SPAG6: variants seen among roughly 807,000 people sequenced by gnomAD.
SPAG6 encodes the protein sperm-associated antigen 6.
A neutral mutation model predicts 58.5 loss-of-function variants in SPAG6; 49 were observed. That is an observed-to-expected ratio of 0.84 (90% CI 0.67 to 1.06). The LOEUF is 1.06. SPAG6 is among the 50% of genes least tolerant of loss of function. SPAG6 has a pLI of 0.00. For synonymous variants in SPAG6, 233 were observed against 225.6 expected, an observed-to-expected ratio of 1.03 and a Z score of -0.29; for missense variants, 560 against 611.3, an observed-to-expected ratio of 0.92 and a Z score of 0.89.
intron 2 of SPAG6, among the ~76,000 whole-genome samples, chr10:22,357,434 T>G (rs1354226856): frequency 6.6e-6 from 1 of 152,118 alleles, no homozygotes; most frequent in Non-Finnish European, 1.5e-5. Flanking sequence ...AATTCAAAAA[T>G]GTATGGCAAA....
Position 22,369,144 on chromosome 10 carries a change from C to T in SPAG6, c.472+466C>T, listed in dbSNP as rs991680109. ...TCCAAACCAACCAGGAGACATAGCA[C>T]GAGTGAGTGATGTTGAGGAGATATG... On this transcript the variant is annotated intron_variant, in intron 4 of 10. Transcript: ENST00000376624. 3.9e-5 allele frequency among the ~76,000 whole-genome samples: 6 copies of T among 151,994 alleles called. No homozygotes were observed. In the East Asian group the frequency reaches 5.8e-4, roughly 15 times the overall value.
chr10:22,372,604 G>C (rs1428346819), intron 4 of SPAG6, among the ~76,000 whole-genome samples: 2 of 152,210 alleles, frequency 1.3e-5, no homozygotes, highest in Admixed American at 1.3e-4. Flanking sequence ...TGCTTCCAAT[G>C]AATGGCCGTC....
intron 8 of SPAG6, among the ~76,000 whole-genome samples, chr10:22,393,061 C>G (rs1376813147): frequency 5.9e-5 from 9 of 152,028 alleles, no homozygotes; most frequent in Admixed American, 5.9e-4. Flanking sequence ...AATGTAAGGT[C>G]TTTTCTAGTT....
At chr10:22,412,602 CACT>C in intron 10 of SPAG6, 1 of 715,048 alleles carries the variant, frequency 1.4e-6, no homozygotes, top group African/African-American at 1.8e-5. Flanking sequence ...CTACATATAA[CACT>C]CTGTCTCCAG....
intron 2 of SPAG6, chr10:22,360,837 A>G (rs1445329286): frequency 8.5e-6 from 13 of 1,533,040 alleles, no homozygotes; most frequent in Non-Finnish European, 1.0e-5. Context: ...TTCACTCACC[A>G]TGGATCTCTG....
rs758235166 is a variant in SPAG6, at chr10:22,401,292, C to A, written c.1314+15C>A. 5 of 1,186,684 alleles carry A rather than the reference C, an allele frequency of 4.2e-6. No homozygotes were observed. In the East Asian group the frequency reaches 9.3e-5, roughly 22 times the overall value. 73.5% of individuals were successfully genotyped at this position (1,186,684 alleles called of 1,614,324 possible). ...AGTTCAGTAAGGTAAGAAATGCCAG[C>A]CTCTAAGGGGAGGAAGAAAATTAAA... is the stretch of plus-strand genomic sequence containing the variant. On this transcript the variant is annotated intron_variant, in intron 9 of 10. Transcript: ENST00000376624.
Position 22,368,502 on chromosome 10 carries a change from A to G in SPAG6, c.296A>G (p.Tyr99Cys). The change falls in exon 4 of 11, where the codon TAC becomes TGC. Residue 99 changes from tyrosine (Y) to cysteine (C), a missense_variant. Coordinates refer to ENST00000376624, the MANE Select transcript of SPAG6 (RefSeq NM_012443.4). The part of the protein sequence containing the change: ...VYSLAEQNRF[Y>C]KKAAAFVLRA... The stretch of plus-strand genomic sequence containing the variant: ...TCTGTTTGACCCTTGTAGCGCTTCT[A>G]CAAGAAAGCAGCTGCCTTTGTGTTA... 6.2e-7 allele frequency: 1 copy of G among 1,613,538 alleles called. No individual in the cohort carries two copies. Among genetic ancestry groups the G allele is most frequent in the Non-Finnish European group, 8.5e-7 (1 of 1,179,720 alleles).
intron 4 of SPAG6, among the ~76,000 whole-genome samples, chr10:22,386,115 A>T (rs750951892): frequency 2.6e-5 from 4 of 152,222 alleles, no homozygotes; most frequent in Non-Finnish European, 4.4e-5. Context: ...CAAGAGTAAG[A>T]TAAATTTATT....
Position 22,382,616 on chromosome 10 carries a change from A to G in SPAG6, c.473-4138A>G, listed in dbSNP as rs189885068. Among the ~76,000 whole-genome samples the G allele has an allele frequency of 9.5e-4, 145 of 152,320 alleles. 2 individuals carry two copies. The highest frequency in any genetic ancestry group is 7.6e-3 in the Admixed American group (116 of 15,298). On this transcript the variant is annotated intron_variant, in intron 4 of 10. Coordinates refer to ENST00000376624, the MANE Select transcript of SPAG6 (RefSeq NM_012443.4). The stretch of plus-strand genomic sequence containing the variant: ...TTATTTTAAAAATAGTGATAGAGGC[A>G]GGATGAAGTAGCCTGTTGGATGTGT...
intron 9 of SPAG6, among the ~76,000 whole-genome samples, chr10:22,408,955 T>C (rs552932562): frequency 3.3e-5 from 5 of 151,582 alleles, no homozygotes; most frequent in East Asian, 1.9e-4. Context: ...CCTGACCCCT[T>C]GCGCTTCCCG....
intron 4 of SPAG6, among the ~76,000 whole-genome samples, chr10:22,378,145 C>A (rs918862469): frequency 6.7e-6 from 1 of 148,978 alleles, no homozygotes; most frequent in Non-Finnish European, 1.5e-5. Context: ...CTCTCTGCAA[C>A]CTCCGCCTCC....
chr10:22,354,459 G>A (rs1836812231), intron 2 of SPAG6, among the ~76,000 whole-genome samples: 1 of 152,208 alleles, frequency 6.6e-6, no homozygotes, highest in Non-Finnish European at 1.5e-5. Context: ...CCATGCGTCA[G>A]TGACTGTGGT....
chr10:22,352,799 G>A (rs561029661), intron 2 of SPAG6, among the ~76,000 whole-genome samples: 3 of 152,150 alleles, frequency 2.0e-5, no homozygotes, highest in South Asian at 2.1e-4. Context: ...ATGAGCCACC[G>A]CACCCAGCAA....
intron 3 of SPAG6, among the ~76,000 whole-genome samples, chr10:22,365,961 C>T (rs558060116): frequency 8.5e-5 from 13 of 152,160 alleles, no homozygotes; most frequent in African/African-American, 3.1e-4. Context: ...TCATACATTG[C>T]TGGTAGGAAT....
rs762864749 is a variant in SPAG6 at position 22,417,182 on chromosome 10, T to G, written c.*494T>G. 6.6e-6 allele frequency: 1 copy of G among 152,306 alleles called. No individual in the cohort carries two copies. Among genetic ancestry groups the G allele is most frequent in the Non-Finnish European group, 1.5e-5 (1 of 68,126 alleles). 9.4% of individuals were successfully genotyped at this position (152,306 alleles called of 1,614,324 possible). ...GAGACTCTGATGCTAGTTATATAAGTGCATTAACTTAAGACACGGACTCTG... is the reference window on the plus strand; with the variant it reads ...GAGACTCTGATGCTAGTTATATAAGGGCATTAACTTAAGACACGGACTCTG... On this transcript the variant is annotated 3_prime_UTR_variant, in exon 11 of 11. Coordinates refer to ENST00000376624, the MANE Select transcript of SPAG6 (RefSeq NM_012443.4).
chr10:22,385,487 C>A (rs1164436066), intron 4 of SPAG6, among the ~76,000 whole-genome samples: 1 of 152,118 alleles, frequency 6.6e-6, no homozygotes, highest in Non-Finnish European at 1.5e-5. Flanking sequence ...TGAAACATAC[C>A]TTTGCCAACG....
At chr10:22,408,975 A>G (rs917999050) in intron 9 of SPAG6, among the ~76,000 whole-genome samples, 4 of 152,196 alleles carry the variant, frequency 2.6e-5, no homozygotes, top group African/African-American at 7.2e-5. Flanking sequence ...GAGTGAGGCA[A>G]TGCCTCGCCC....
intron 4 of SPAG6, among the ~76,000 whole-genome samples, chr10:22,376,721 C>T (rs529850526): frequency 1.3e-5 from 2 of 152,118 alleles, no homozygotes; most frequent in African/African-American, 4.8e-5. Flanking sequence ...TAGTCTTCTC[C>T]TGTCTTATAC....
intron 2 of SPAG6, 149 bp from the exon 3 acceptor site, chr10:22,364,704 T>C (rs1837143447): frequency 1.8e-6 from 1 of 560,978 alleles, no homozygotes; most frequent in African/African-American, 1.9e-5. Flanking sequence ...GCCAGTTAGG[T>C]ACTTCTAAAT....
Sources: gnomAD v4.1 joint callset for allele counts (sites outside exome capture counted in the v4.1 genomes callset) on GRCh38, gnomAD v4.1.1 for gene constraint, MANE v1.5 for transcripts, NCBI Gene and HGNC (gene_info 2026-07-23, HGNC 2026-07-21) for gene names.